SAMD5: variants seen among roughly 807,000 people sequenced by gnomAD.
The protein encoded by SAMD5 is sterile alpha motif domain-containing protein 5.
A neutral mutation model predicts 11.3 loss-of-function variants in SAMD5; 13 were observed. The observed-to-expected ratio is 1.15, with a 90% CI of 0.75 to 1.83. The LOEUF (loss-of-function observed/expected upper bound fraction) is 1.83, where lower values mean the gene tolerates loss of function less well. SAMD5 is among the 40% of genes most tolerant of loss of function. The pLI is 0.00. For synonymous variants in SAMD5, 129 were observed against 111.3 expected (o/e 1.16, Z -1.00); for missense variants, 255 against 239.1 (o/e 1.07, Z -0.44).
At chr6:147,867,423 A>AT in the SAMD5 span, among the ~76,000 whole-genome samples, 2 of 151,400 alleles carry the variant, frequency 1.3e-5, no homozygotes, top group East Asian at 1.9e-4. Flanking sequence ...TGGTGGAAAG[A>AT]TTTTTTTTCT....
rs968432448 is a variant in SAMD5, at chr6:147,659,812, G to A, written c.163-77505G>A. ...CCACCCCTCCCCATCACCGGTGATA[G>A]ATTTTCATAACTTGTAGTAGCTGGA... is the stretch of plus-strand genomic sequence containing the variant. On this transcript the variant is annotated intron_variant, in intron 1 of 1. Transcript: ENST00000566741. Among the ~76,000 whole-genome samples, 76 of 152,260 alleles carry A rather than the reference G, an allele frequency of 5.0e-4. 1 individual carries two copies. The highest frequency in any genetic ancestry group is 1.8e-3 in the African/African-American group (73 of 41,550).
chr6:147,902,733 C>A, the SAMD5 span, among the ~76,000 whole-genome samples: 1 of 152,204 alleles, frequency 6.6e-6, no homozygotes, highest in Non-Finnish European at 1.5e-5. Context: ...AGTTTCTAAT[C>A]ATTCTTCAAA....
intron 1 of SAMD5, among the ~76,000 whole-genome samples, chr6:147,587,635 C>T (rs951505645): frequency 5.9e-5 from 9 of 152,266 alleles, no homozygotes; most frequent in South Asian, 4.1e-4. Context: ...AGATCATCTA[C>T]TCCCATGTTA....
the SAMD5 span, among the ~76,000 whole-genome samples, chr6:147,877,907 ATAGCTAGCTAGCTAGC>A: frequency 3.4e-4 from 32 of 92,840 alleles, 4 homozygotes; most frequent in East Asian, 1.4e-3. Context: ...AGATAGATAG[ATAGCTAGCTAGCTAGC>A]TAGATAGATA....
intron 1 of SAMD5, among the ~76,000 whole-genome samples, chr6:147,690,195 T>C (rs1366991456): frequency 2.6e-5 from 4 of 152,210 alleles, no homozygotes; most frequent in Non-Finnish European, 5.9e-5. Flanking sequence ...ATCTAAATTA[T>C]AATTCTTCAA....
the SAMD5 span, among the ~76,000 whole-genome samples, chr6:147,946,103 A>C: frequency 6.6e-6 from 1 of 152,168 alleles, no homozygotes; most frequent in African/African-American, 2.4e-5. Context: ...CACTTTGCCT[A>C]TACTCATATC....
chr6:147,874,349 T>C, the SAMD5 span, among the ~76,000 whole-genome samples: 56,607 of 152,016 alleles, frequency 0.37, 10,910 homozygotes, highest in Middle Eastern at 0.48. Flanking sequence ...TGTGTTGCAT[T>C]AGGTAATTCC....
chr6:147,516,789 C>T (rs1788177999), intron 1 of SAMD5, among the ~76,000 whole-genome samples: 1 of 152,190 alleles, frequency 6.6e-6, no homozygotes, highest in East Asian at 1.9e-4. Flanking sequence ...GAGCAGCTTG[C>T]ACGGCAGCCT....
At chr6:147,883,123 C>T in the SAMD5 span, among the ~76,000 whole-genome samples, 8 of 152,272 alleles carry the variant, frequency 5.3e-5, no homozygotes, top group Admixed American at 2.0e-4. Flanking sequence ...TGCATCTGTG[C>T]AGAGGATCAT....
chr6:147,938,499 A>G, the SAMD5 span, among the ~76,000 whole-genome samples: 2 of 152,220 alleles, frequency 1.3e-5, no homozygotes, highest in African/African-American at 4.8e-5. Flanking sequence ...GACAATTGCC[A>G]TGTGATGTGA....
the SAMD5 span, among the ~76,000 whole-genome samples, chr6:147,762,190 CA>C: frequency 6.6e-6 from 1 of 151,996 alleles, no homozygotes; most frequent in Non-Finnish European, 1.5e-5. Flanking sequence ...AAATGAATAA[CA>C]GTGGCAAAAG....
At chr6:147,934,465 T>G in the SAMD5 span, among the ~76,000 whole-genome samples, 2 of 152,094 alleles carry the variant, frequency 1.3e-5, no homozygotes, top group Non-Finnish European at 2.9e-5. Context: ...GTCAGGTGTG[T>G]GTGTGTCAGG....
the SAMD5 span, among the ~76,000 whole-genome samples, chr6:147,879,586 T>G: frequency 6.6e-6 from 1 of 152,242 alleles, no homozygotes; most frequent in Non-Finnish European, 1.5e-5. Context: ...TGGATTGCCC[T>G]TATAGTTTTG....
intron 1 of SAMD5, among the ~76,000 whole-genome samples, chr6:147,635,054 A>G (rs1790207829): frequency 6.6e-6 from 1 of 152,204 alleles, no homozygotes; most frequent in Admixed American, 6.5e-5. Flanking sequence ...TGTTAAGAGT[A>G]CCCATCACAG....
chr6:147,637,742 T>C (rs1430918326), intron 1 of SAMD5, among the ~76,000 whole-genome samples: 1 of 152,206 alleles, frequency 6.6e-6, no homozygotes, highest in African/African-American at 2.4e-5. Context: ...CATGAGGACT[T>C]ACAGGTTCAT....
chr6:147,640,497 CAAAAAAAAAA>C (rs1172694444), intron 1 of SAMD5, among the ~76,000 whole-genome samples: 754 of 24,264 alleles, frequency 0.031, 18 homozygotes, highest in African/African-American at 0.075. Context: ...GACTCTGTCG[CAAAAAAAAAA>C]AAAAAAAAAA....
At chr6:147,536,779 T>A (rs2128441625) in intron 1 of SAMD5, among the ~76,000 whole-genome samples, 1 of 152,150 alleles carries the variant, frequency 6.6e-6, no homozygotes, top group African/African-American at 2.4e-5. Flanking sequence ...CATTACAGAA[T>A]TTTTCTATAA....
chr6:147,894,371 A>G, the SAMD5 span, among the ~76,000 whole-genome samples: 1 of 152,058 alleles, frequency 6.6e-6, no homozygotes, highest in African/African-American at 2.4e-5. Flanking sequence ...ATCCGCCTGC[A>G]TCGGCCTCCC....
chr6:147,601,111 C>G (rs1789608264), intron 1 of SAMD5, among the ~76,000 whole-genome samples: 1 of 152,168 alleles, frequency 6.6e-6, no homozygotes, highest in African/African-American at 2.4e-5. Flanking sequence ...AATACACAAG[C>G]TGACCCCAGA....
Sources: gnomAD v4.1 joint callset for allele counts (sites outside exome capture counted in the v4.1 genomes callset) on GRCh38, gnomAD v4.1.1 for gene constraint, MANE v1.5 for transcripts, NCBI Gene and HGNC (gene_info 2026-07-23, HGNC 2026-07-21) for gene names.